HAUS1: variants seen among roughly 807,000 people sequenced by gnomAD.
HAUS1 encodes HAUS augmin-like complex subunit 1.
Under a neutral mutation model 38.6 loss-of-function variants are expected in HAUS1, and 25 were observed. That is an observed-to-expected ratio of 0.65 (90% CI 0.47 to 0.91). The LOEUF is 0.91. Among genes scored for constraint, HAUS1 ranks in the 40% least tolerant of loss-of-function variants. The pLI is 0.00. For synonymous variants in HAUS1, 109 were observed against 112.9 expected (o/e 0.97, Z 0.22); for missense variants, 325 against 328.4 (o/e 0.99, Z 0.08).
In HAUS1 at chr18:46,123,303, A is replaced by G. The variant is rs1912002680; in HGVS notation, c.605A>G (p.Gln202Arg). 6.2e-7 allele frequency: 1 copy of G among 1,608,342 alleles called. No individual in the cohort carries two copies. The highest frequency in any genetic ancestry group is 1.3e-5 in the African/African-American group (1 of 74,638). Reference sequence around the variant, plus strand: ...TCCTTTTTTTGGTAATTGTAGGAGCAACTTTCAGCCAGAGGCATGGATGCT... The same window carrying G: ...TCCTTTTTTTGGTAATTGTAGGAGCGACTTTCAGCCAGAGGCATGGATGCT... Reference protein sequence around the residue: ...FRFGIKAAEEQLSARGMDASL... With the variant: ...FRFGIKAAEERLSARGMDASL... Residue 202 changes from glutamine to arginine, a missense_variant, in exon 6 of 9, where the codon CAA (glutamine) becomes CGA (arginine). By Grantham distance (43) the Gln-to-Arg change is conservative. Transcript: ENST00000282058.
Position 46,104,407 on chromosome 18 carries a change from C to T in HAUS1, c.-5C>T, listed in dbSNP as rs561739247. 1.6e-4 allele frequency: 234 copies of T among 1,456,242 alleles called. 1 individual carries two copies. In the African/African-American group the frequency reaches 3.0e-3, roughly 18 times the overall value. The allele number at this position is 1,456,242 out of a possible 1,614,324, so 90.2% of individuals were successfully genotyped here. On this transcript the variant is annotated 5_prime_UTR_variant, in exon 1 of 9. Transcript: ENST00000282058. ...GTTCCTAGTAAAGTGGCGGGAGCCG[C>T]AGCTATGGAGCCGCAGGAGGAGAGA...
chr18:46,115,613 G>A (rs1489969443), intron 2 of HAUS1, among the ~76,000 whole-genome samples: 1 of 151,916 alleles, frequency 6.6e-6, no homozygotes, highest in Non-Finnish European at 1.5e-5. Flanking sequence ...GGGTGACAGA[G>A]TGAGACCCTG....
At position 46,125,740 on chromosome 18, in the gene HAUS1, A is replaced by T. The variant is rs776534757; in HGVS notation, c.739-4A>T. 169 of 1,543,416 alleles carry T rather than the reference A, an allele frequency of 1.1e-4. No individual in the cohort carries two copies. The highest frequency in any genetic ancestry group is 1.4e-4 in the Non-Finnish European group (152 of 1,122,554). On this transcript the variant is annotated splice_region_variant and splice_polypyrimidine_tract_variant and intron_variant, in intron 7 of 8. Transcript: ENST00000282058. The stretch of plus-strand genomic sequence containing the variant: ...ACCTTTCCTTGTTTTATTTTTTTTT[A>T]AAGAATCCGTCTCTTGCTCAAGTGA...
intron 1 of HAUS1, 144 bp from the exon 2 acceptor site, chr18:46,105,050 T>C (rs1422612735): frequency 3.8e-5 from 20 of 530,912 alleles, no homozygotes; most frequent in Non-Finnish European, 6.4e-5. Context: ...AGTATCTCCC[T>C]AAAGACAAGT....
Position 46,105,204 on chromosome 18 carries a change from G to C in HAUS1, c.41G>C (p.Trp14Ser), listed in dbSNP as rs779302743. Residue 14 changes from tryptophan (W) to serine (S), a missense_variant, in exon 2 of 9, where the codon TGG becomes TCG. Coordinates refer to ENST00000282058, the MANE Select transcript of HAUS1 (RefSeq NM_138443.4). ...QEERETQVAA[W>S]LKKIFGDHPI... ...TCTTTTAATGGTTAGGTTGCTGCGTGGTTAAAAAAAATATTTGGAGATCAT... is the reference window on the plus strand; with the variant it reads ...TCTTTTAATGGTTAGGTTGCTGCGTCGTTAAAAAAAATATTTGGAGATCAT... 3 of 1,608,404 alleles carry C rather than the reference G, an allele frequency of 1.9e-6. No homozygotes were observed. Among genetic ancestry groups the C allele is most frequent in the South Asian group, 2.2e-5 (2 of 90,372 alleles).
intron 8 of HAUS1, chr18:46,126,657 C>T (rs1333245988): frequency 4.6e-5 from 7 of 150,786 alleles, no homozygotes; most frequent in Non-Finnish European, 1.5e-5. Context: ...CAGAATCTTG[C>T]TCTGTCCTCC....
At chr18:46,122,643 A>G (rs555338805) in intron 5 of HAUS1, 53 bp downstream of exon 5, 96 of 1,598,854 alleles carry the variant, frequency 6.0e-5, no homozygotes, top group Non-Finnish European at 7.6e-5. Flanking sequence ...ATTTTTTACC[A>G]TCATCCTCAC....
intron 5 of HAUS1, 105 bp downstream of exon 5, chr18:46,122,695 T>C (rs2144263630): frequency 3.1e-6 from 4 of 1,306,880 alleles, no homozygotes; most frequent in Non-Finnish European, 4.3e-6. Context: ...GAGAGGACTA[T>C]AGAGAAGTTG....
intron 5 of HAUS1, 156 bp from the exon 6 acceptor site, chr18:46,123,143 G>A (rs1911995417): frequency 1.1e-5 from 6 of 562,838 alleles, no homozygotes; most frequent in East Asian, 9.5e-5. Flanking sequence ...CCCGGGAGGC[G>A]GAGTTTGCAG....
chr18:46,111,134 C>T (rs990151970), intron 2 of HAUS1, among the ~76,000 whole-genome samples: 2 of 152,104 alleles, frequency 1.3e-5, no homozygotes, highest in African/African-American at 4.8e-5. Context: ...TCTCAAAATG[C>T]TGGGATTACA....
intron 2 of HAUS1, among the ~76,000 whole-genome samples, chr18:46,108,959 T>C (rs1911547880): frequency 6.6e-6 from 1 of 151,220 alleles, no homozygotes; most frequent in Non-Finnish European, 1.5e-5. Flanking sequence ...TAGTCCCAGC[T>C]GCTTGGGAGG....
At chr18:46,108,925 G>A (rs184066763) in intron 2 of HAUS1, among the ~76,000 whole-genome samples, 61 of 152,144 alleles carry the variant, frequency 4.0e-4, no homozygotes, top group Non-Finnish European at 7.2e-4. Context: ...CAAAAAATTA[G>A]CCGGGCATGG....
intron 5 of HAUS1, 29 bp from the exon 6 acceptor site, chr18:46,123,270 A>C: frequency 6.7e-7 from 1 of 1,495,530 alleles, no homozygotes; most frequent in Non-Finnish European, 9.2e-7. Context: ...ATAATTTTTT[A>C]ACTGAACTCC....
intron 2 of HAUS1, among the ~76,000 whole-genome samples, chr18:46,108,006 G>T (rs1246835985): frequency 6.6e-6 from 1 of 152,086 alleles, no homozygotes; most frequent in Non-Finnish European, 1.5e-5. Context: ...GCCTGGCTGT[G>T]TGGAGATTTT....
In HAUS1 at chr18:46,123,310, A is replaced by G; in HGVS notation, c.612A>G (p.Ser204=). The change falls in exon 6 of 9, where the codon TCA becomes TCG. Residue 204 remains serine, a synonymous_variant. Transcript: ENST00000282058. The stretch of plus-strand genomic sequence containing the variant: ...TTTGGTAATTGTAGGAGCAACTTTC[A>G]GCCAGAGGCATGGATGCTTCTCTGT... ...FGIKAAEEQL[S]ARGMDASLSH... The G allele has an allele frequency of 1.5e-5, 24 of 1,610,692 alleles. No homozygotes were observed. Among genetic ancestry groups the G allele is most frequent in the Non-Finnish European group, 1.7e-5 (20 of 1,177,790 alleles).
intron 8 of HAUS1, chr18:46,126,844 T>TATTTATTA (rs1483924407): frequency 6.9e-6 from 1 of 144,536 alleles, no homozygotes; most frequent in African/African-American, 2.6e-5. Context: ...TTTATTTATT[T>TATTTATTA]ATTATTTTGA....
intron 2 of HAUS1, among the ~76,000 whole-genome samples, chr18:46,105,783 A>G (rs1911456771): frequency 6.6e-6 from 1 of 151,852 alleles, no homozygotes; most frequent in Non-Finnish European, 1.5e-5. Context: ...GTTTCACAAT[A>G]TTGGCCAGGC....
chr18:46,107,216 A>G (rs1387052406), intron 2 of HAUS1, among the ~76,000 whole-genome samples: 1 of 152,038 alleles, frequency 6.6e-6, no homozygotes, highest in Non-Finnish European at 1.5e-5. Context: ...TCTCCCATAT[A>G]TGTGCTTTTA....
intron 1 of HAUS1, among the ~76,000 whole-genome samples, chr18:46,104,816 C>T (rs558020373): frequency 1.3e-5 from 2 of 152,188 alleles, no homozygotes; most frequent in Non-Finnish European, 2.9e-5. Context: ...CCCGGCGCGG[C>T]GGGGCTTCTG....
Sources: gnomAD v4.1 joint callset for allele counts (sites outside exome capture counted in the v4.1 genomes callset) on GRCh38, gnomAD v4.1.1 for gene constraint, MANE v1.5 for transcripts, NCBI Gene and HGNC (gene_info 2026-07-23, HGNC 2026-07-21) for gene names.